PRKCE: variants seen among roughly 807,000 people sequenced by gnomAD.
PRKCE encodes the protein protein kinase C epsilon type.
PRKCE carries 16 observed loss-of-function variants against 85.4 expected under a neutral mutation model. The ratio of observed to expected loss-of-function variants is 0.19; its 90% CI spans 0.13 to 0.28. The LOEUF (loss-of-function observed/expected upper bound fraction) is 0.28, where lower values mean the gene tolerates loss of function less well. PRKCE is among the 10% of genes least tolerant of loss of function. The pLI, the probability that PRKCE is intolerant of heterozygous loss-of-function variation, is 1.00. For synonymous variants in PRKCE, 388 were observed against 371.5 expected (o/e 1.04, Z -0.51); for missense variants, 573 against 975.2 (o/e 0.59, Z 5.49).
intron 11 of PRKCE, among the ~76,000 whole-genome samples, chr2:46,125,150 C>G (rs1673723995): frequency 6.6e-6 from 1 of 152,296 alleles, no homozygotes; most frequent in African/African-American, 2.4e-5. Flanking sequence ...TACAGTTACA[C>G]TTCTCTAAAT....
chr2:46,183,816 G>T (rs181618735), intron 14 of PRKCE, among the ~76,000 whole-genome samples: 423 of 152,218 alleles, frequency 2.8e-3, no homozygotes, highest in Non-Finnish European at 4.2e-3. Flanking sequence ...TCTAACTAAA[G>T]CGATGTGTTC....
intron 1 of PRKCE, among the ~76,000 whole-genome samples, chr2:45,828,848 A>G (rs995201603): frequency 2.0e-5 from 3 of 152,166 alleles, no homozygotes; most frequent in Non-Finnish European, 1.5e-5. Context: ...ACTTAAAAAG[A>G]AAAAAATTAT....
chr2:46,179,503 C>A (rs1030605245), intron 14 of PRKCE, among the ~76,000 whole-genome samples: 7 of 152,252 alleles, frequency 4.6e-5, no homozygotes, highest in South Asian at 4.2e-4. Context: ...ATGTGCCCTT[C>A]CCCCAGAGTC....
intron 2 of PRKCE, among the ~76,000 whole-genome samples, chr2:45,937,663 C>T (rs999814630): frequency 1.3e-5 from 2 of 151,480 alleles, no homozygotes; most frequent in African/African-American, 2.4e-5. Context: ...TGTAGTGAGC[C>T]GAGATCATAC....
intron 10 of PRKCE, among the ~76,000 whole-genome samples, chr2:46,058,992 C>T (rs1157544686): frequency 1.3e-5 from 2 of 152,186 alleles, no homozygotes; most frequent in African/African-American, 4.8e-5. Flanking sequence ...GCTACTATGC[C>T]CCACTAAAAG....
rs529266223 is a variant in PRKCE at position 45,811,440 on chromosome 2, G to A, written c.349-31560G>A. ...GGAAAAAAATTATGAATATGTTTGT[G>A]AATCCATAGATTCTTATTAAAGGAA... On this transcript the variant is annotated intron_variant, in intron 1 of 14. Coordinates refer to ENST00000306156, the MANE Select transcript of PRKCE (RefSeq NM_005400.3). Among the ~76,000 whole-genome samples, 127 of 152,306 alleles carry A rather than the reference G, an allele frequency of 8.3e-4. 1 individual carries two copies. The highest frequency in any genetic ancestry group is 2.6e-3 in the African/African-American group (110 of 41,572).
intron 2 of PRKCE, among the ~76,000 whole-genome samples, chr2:45,865,599 C>T (rs1227580659): frequency 6.6e-6 from 1 of 152,092 alleles, no homozygotes; most frequent in East Asian, 1.9e-4. Flanking sequence ...GAGAGACTCG[C>T]TTGTGAATGA....
At chr2:46,069,747 G>T (rs1260527625) in intron 10 of PRKCE, among the ~76,000 whole-genome samples, 2 of 152,164 alleles carry the variant, frequency 1.3e-5, no homozygotes, top group Non-Finnish European at 2.9e-5. Flanking sequence ...TCTTATTTTA[G>T]TTTTTCTTGG....
chr2:46,017,074 G>A (rs572385547), intron 10 of PRKCE, among the ~76,000 whole-genome samples: 5 of 149,104 alleles, frequency 3.4e-5, no homozygotes, highest in African/African-American at 1.2e-4. Context: ...AATATAAAAC[G>A]TGCCATCTTA....
In PRKCE at chr2:45,990,323, GC is replaced by G. The variant is rs756942129; in HGVS notation, c.823+5647del. Among the ~76,000 whole-genome samples, 18 of 152,348 alleles carry G rather than the reference GC, an allele frequency of 1.2e-4. 1 individual carries two copies. The South Asian group carries it at 2.9e-3, about 25-fold the overall frequency. On this transcript the variant is annotated intron_variant, in intron 6 of 14. Coordinates refer to ENST00000306156, the MANE Select transcript of PRKCE (RefSeq NM_005400.3). ...TGCAAACAAGAAAGTGAGAAAAGAT[GC>G]CCCAGACACGAGGCAATGGGACATC...
Position 45,786,639 on chromosome 2 carries a change from T to G in PRKCE, c.349-56361T>G, listed in dbSNP as rs780759507. Among the ~76,000 whole-genome samples the G allele has an allele frequency of 2.0e-5, 3 of 152,108 alleles. No individual in the cohort carries two copies. The highest frequency in any genetic ancestry group is 4.8e-5 in the African/African-American group (2 of 41,406). Reference sequence around the variant, plus strand: ...GGAAGACAGAGTATTTTGTATGAGATTCAGGGGTGGGAGTGAGGGGGCAAG... The same window carrying G: ...GGAAGACAGAGTATTTTGTATGAGAGTCAGGGGTGGGAGTGAGGGGGCAAG... On this transcript the variant is annotated intron_variant, in intron 1 of 14. Coordinates refer to ENST00000306156, the MANE Select transcript of PRKCE (RefSeq NM_005400.3). The surrounding 1 kb of genome is among the most constrained non-coding windows in gnomAD (Gnocchi z 5.3).
intron 2 of PRKCE, among the ~76,000 whole-genome samples, chr2:45,962,187 A>C (rs1294538601): frequency 6.6e-6 from 1 of 152,250 alleles, no homozygotes; most frequent in African/African-American, 2.4e-5. Flanking sequence ...TCCTGAGGTC[A>C]GCAAGGTGTA....
At chr2:45,916,314 A>C (rs1393876020) in intron 2 of PRKCE, among the ~76,000 whole-genome samples, 1 of 148,642 alleles carries the variant, frequency 6.7e-6, no homozygotes, top group African/African-American at 2.5e-5. Context: ...AACACGGCTC[A>C]CTGCAGTCCT....
chr2:46,010,538 C>T (rs1705574422), intron 10 of PRKCE, 21 bp downstream of exon 10: 1 of 1,598,090 alleles, frequency 6.3e-7, no homozygotes, highest in Non-Finnish European at 8.5e-7. Flanking sequence ...AAGAAGCTGG[C>T]TGGCTGCCAT....
At chr2:45,894,423 G>A (rs1159763795) in intron 2 of PRKCE, among the ~76,000 whole-genome samples, 2 of 150,794 alleles carry the variant, frequency 1.3e-5, no homozygotes, top group Admixed American at 6.6e-5. Flanking sequence ...TTAAGATAGA[G>A]GGCAAACTAG....
chr2:45,958,394 A>G (rs1251918347), intron 2 of PRKCE, among the ~76,000 whole-genome samples: 1 of 151,054 alleles, frequency 6.6e-6, no homozygotes, highest in Non-Finnish European at 1.5e-5. Flanking sequence ...CTGTAGTCCC[A>G]GCTATTTGGG....
intron 2 of PRKCE, among the ~76,000 whole-genome samples, chr2:45,871,991 C>A (rs558936245): frequency 6.6e-6 from 1 of 152,294 alleles, no homozygotes; most frequent in South Asian, 2.1e-4. Context: ...CTATGCCAGG[C>A]ACCATGGGAG....
At chr2:45,977,717 A>T (rs1360911166) in intron 3 of PRKCE, among the ~76,000 whole-genome samples, 1 of 151,956 alleles carries the variant, frequency 6.6e-6, no homozygotes, top group Non-Finnish European at 1.5e-5. Context: ...CACTAACAAT[A>T]CCCAGGCTCA....
chr2:45,931,147 T>C (rs1699015555), intron 2 of PRKCE, among the ~76,000 whole-genome samples: 1 of 152,254 alleles, frequency 6.6e-6, no homozygotes, highest in African/African-American at 2.4e-5. Flanking sequence ...AGATTGCCTC[T>C]GGATTGATAT....
Sources: gnomAD v4.1 joint callset for allele counts (sites outside exome capture counted in the v4.1 genomes callset) on GRCh38, gnomAD v4.1.1 for gene constraint, Gnocchi (gnomAD v3.1) non-coding constraint, MANE v1.5 for transcripts, NCBI Gene and HGNC (gene_info 2026-07-23, HGNC 2026-07-21) for gene names.